Variants in HDX observed in about 807,000 individuals in gnomAD.
The protein encoded by HDX is highly divergent homeobox.
A neutral mutation model predicts 45.2 loss-of-function variants in HDX; 19 were observed. The observed-to-expected ratio is 0.42, with a 90% confidence interval of 0.29 to 0.62. The LOEUF (loss-of-function observed/expected upper bound fraction) is 0.62, where lower values mean the gene tolerates loss of function less well. Ranked by LOEUF, HDX falls within the 20% of genes least tolerant of loss-of-function variation. The pLI is 0.20. For synonymous variants in HDX, 188 were observed against 172.8 expected, an observed-to-expected ratio of 1.09 and a Z score of -0.69; for missense variants, 532 against 493.9, an observed-to-expected ratio of 1.08 and a Z score of -0.73.
intron 5 of HDX, among the ~76,000 whole-genome samples, chrX:84,364,482 G>C (rs1412725060): frequency 2.2e-5 from 2 of 89,269 alleles, no homozygotes; most frequent in Non-Finnish European, 4.3e-5. Context: ...ATCTCTAGAA[G>C]TTATTCACCT....
Position 84,438,002 on chromosome X carries a change from G to T in HDX, c.1305+2530C>A, listed in dbSNP as rs190225294. Among the ~76,000 whole-genome samples the T allele has an allele frequency of 2.9e-3, 317 of 111,046 alleles. 1 individual carries two copies. Among genetic ancestry groups the T allele is most frequent in the African/African-American group, 0.01 (308 of 30,576 alleles). ...CCAGTTAATCTTCTTTGTCAGAGTT[G>T]CCAGGCTCACTTCATGTTGTTCTTG... On this transcript the variant is annotated intron_variant, in intron 5 of 10. Coordinates refer to ENST00000373177, the MANE Select transcript of HDX (RefSeq NM_001177479.2).
chrX:84,492,096 C>A (rs781463366), intron 1 of HDX, among the ~76,000 whole-genome samples: 2 of 110,600 alleles, frequency 1.8e-5, no homozygotes, highest in Non-Finnish European at 3.8e-5. Flanking sequence ...TGAACTATGT[C>A]TTCTCAACAC....
At chrX:84,373,655 A>C (rs2037958545) in intron 5 of HDX, among the ~76,000 whole-genome samples, 1 of 111,007 alleles carries the variant, frequency 9.0e-6, no homozygotes, top group East Asian at 2.9e-4. Flanking sequence ...CAAAGACAAA[A>C]ACCACATGAT....
chrX:84,440,969 A>G (rs1376257539), intron 4 of HDX, among the ~76,000 whole-genome samples: 1 of 108,532 alleles, frequency 9.2e-6, no homozygotes. Context: ...TCCACAGATA[A>G]TATACTCTGA....
chrX:84,425,641 T>G, intron 5 of HDX, among the ~76,000 whole-genome samples: 1 of 111,490 alleles, frequency 9.0e-6, no homozygotes, highest in East Asian at 2.8e-4. Flanking sequence ...AAAAATGAGA[T>G]TCAGTCATTT....
At chrX:84,443,521 C>T (rs147332250) in intron 4 of HDX, among the ~76,000 whole-genome samples, 1,624 of 111,652 alleles carry the variant, frequency 0.015, 27 homozygotes, top group African/African-American at 0.051. Context: ...AAACTCATTA[C>T]AATGATGTTG....
intron 5 of HDX, among the ~76,000 whole-genome samples, chrX:84,420,918 T>C (rs2039238813): frequency 2.7e-5 from 3 of 112,131 alleles, no homozygotes; most frequent in South Asian, 7.4e-4. Context: ...ATAGTATCTC[T>C]AGTTAAAATG....
At chrX:84,422,472 A>C (rs1010214122) in intron 5 of HDX, among the ~76,000 whole-genome samples, 1 of 110,751 alleles carries the variant, frequency 9.0e-6, no homozygotes, top group Non-Finnish European at 1.9e-5. Context: ...GAAGAGATCA[A>C]ATGCAAAATT....
intron 5 of HDX, among the ~76,000 whole-genome samples, chrX:84,368,220 T>C (rs892496638): frequency 6.3e-5 from 7 of 111,806 alleles, no homozygotes; most frequent in African/African-American, 2.3e-4. Flanking sequence ...TTATGTTAAA[T>C]GCTCATTTAA....
intron 5 of HDX, among the ~76,000 whole-genome samples, chrX:84,435,318 T>C (rs1007391970): frequency 2.7e-5 from 3 of 111,691 alleles, no homozygotes; most frequent in Non-Finnish European, 3.8e-5. Context: ...CCAGTGATCA[T>C]GACCATTTTT....
At chrX:84,453,228 C>A (rs933193808) in intron 4 of HDX, among the ~76,000 whole-genome samples, 1 of 112,024 alleles carries the variant, frequency 8.9e-6, no homozygotes, top group Admixed American at 9.4e-5. Context: ...GAATGATCCA[C>A]ACACACACAC....
intron 2 of HDX, among the ~76,000 whole-genome samples, chrX:84,480,435 G>A (rs1485307451): frequency 9.0e-6 from 1 of 111,541 alleles, no homozygotes; most frequent in Non-Finnish European, 1.9e-5. Context: ...AGTTTGGAGG[G>A]AAAGCGTTAA....
intron 1 of HDX, among the ~76,000 whole-genome samples, chrX:84,492,750 C>A (rs7881053): frequency 0.013 from 1,389 of 109,394 alleles, 21 homozygotes; most frequent in African/African-American, 0.044. Flanking sequence ...ATTATGATGG[C>A]AAAAAAAAGA....
intron 2 of HDX, among the ~76,000 whole-genome samples, chrX:84,476,432 C>A (rs752765908): frequency 9.3e-6 from 1 of 107,129 alleles, no homozygotes; most frequent in Non-Finnish European, 1.9e-5. Flanking sequence ...GTGGTCCCTG[C>A]TACTTGGGAG....
intron 5 of HDX, among the ~76,000 whole-genome samples, chrX:84,386,697 T>C (rs1314412233): frequency 2.7e-5 from 3 of 111,758 alleles, no homozygotes; most frequent in African/African-American, 9.7e-5. Flanking sequence ...AGTTGTAATG[T>C]CACTATTGTC....
rs184090200 is a variant in HDX at position 84,436,696 on chromosome X, A to G, written c.1305+3836T>C. ...ATTGTGGTCAGATAAGATATTTGAT[A>G]CGATTTTAACTTTTAAAAATGTGTT... On this transcript the variant is annotated intron_variant, in intron 5 of 10. Coordinates refer to ENST00000373177, the MANE Select transcript of HDX (RefSeq NM_001177479.2). Among the ~76,000 whole-genome samples, 3 of 112,168 alleles carry G rather than the reference A, an allele frequency of 2.7e-5. No homozygotes were observed. In the Admixed American group the frequency reaches 2.8e-4, roughly 11 times the overall value.
At chrX:84,345,398 C>G (rs2037177528) in intron 6 of HDX, among the ~76,000 whole-genome samples, 1 of 111,143 alleles carries the variant, frequency 9.0e-6, no homozygotes, top group South Asian at 3.7e-4. Context: ...AGCATGTGAC[C>G]TTTTGAAATC....
chrX:84,479,340 A>C (rs775465866), intron 2 of HDX, among the ~76,000 whole-genome samples: 6 of 111,720 alleles, frequency 5.4e-5, no homozygotes, highest in Non-Finnish European at 1.1e-4. Context: ...AGCTTCTTTC[A>C]CTTAGCATAG....
At chrX:84,349,154 G>A (rs138414423) in intron 6 of HDX, among the ~76,000 whole-genome samples, 2 of 110,818 alleles carry the variant, frequency 1.8e-5, no homozygotes, top group African/African-American at 6.6e-5. Flanking sequence ...TCTGCTCATG[G>A]AATTCTGCTC....
Sources: gnomAD v4.1 joint callset for allele counts (sites outside exome capture counted in the v4.1 genomes callset) on GRCh38, gnomAD v4.1.1 for gene constraint, MANE v1.5 for transcripts, NCBI Gene and HGNC (gene_info 2026-07-23, HGNC 2026-07-21) for gene names.